Variants in GPC5 observed in about 807,000 individuals in gnomAD.
The protein encoded by GPC5 is glypican-5.
Under a neutral mutation model 53.9 loss-of-function variants are expected in GPC5, and 47 were observed. That is an observed-to-expected ratio of 0.87 (90% confidence interval 0.69 to 1.11). The LOEUF is 1.11. Ranked by LOEUF, GPC5 falls within the 50% of genes most tolerant of loss-of-function variation. GPC5 has a pLI of 0.00. For missense variants in GPC5, 748 were observed against 713.1 expected (o/e 1.05, Z -0.56); for synonymous variants, 286 against 263.3 (o/e 1.09, Z -0.84).
intron 2 of GPC5, among the ~76,000 whole-genome samples, chr13:91,587,482 C>T (rs1186866550): frequency 6.6e-6 from 1 of 152,066 alleles, no homozygotes; most frequent in Non-Finnish European, 1.5e-5. Flanking sequence ...GGCTAGGGAA[C>T]TGTTTTTTCA....
intron 5 of GPC5, among the ~76,000 whole-genome samples, chr13:91,897,775 G>A (rs1327350175): frequency 6.6e-6 from 1 of 152,030 alleles, no homozygotes; most frequent in African/African-American, 2.4e-5. Context: ...AACACATCTC[G>A]TGACTGCTGT....
chr13:91,752,754 C>T (rs1341132925), intron 4 of GPC5, among the ~76,000 whole-genome samples: 1 of 152,156 alleles, frequency 6.6e-6, no homozygotes, highest in Non-Finnish European at 1.5e-5. Context: ...GTCACATGTC[C>T]AGTCCACTAA....
intron 7 of GPC5, among the ~76,000 whole-genome samples, chr13:92,808,276 T>G (rs994246825): frequency 6.6e-6 from 1 of 152,156 alleles, no homozygotes; most frequent in African/African-American, 2.4e-5. Flanking sequence ...TTTAAGAAAC[T>G]TAAACACACA....
intron 7 of GPC5, among the ~76,000 whole-genome samples, chr13:92,332,838 A>T (rs940047194): frequency 3.3e-5 from 5 of 152,296 alleles, no homozygotes; most frequent in African/African-American, 4.8e-5. Context: ...TTTTCCTAGA[A>T]CATTCATTAA....
intron 7 of GPC5, among the ~76,000 whole-genome samples, chr13:92,647,477 C>T (rs1203074823): frequency 6.6e-6 from 1 of 152,086 alleles, no homozygotes; most frequent in South Asian, 2.1e-4. Flanking sequence ...AAATACAGCA[C>T]CCTCAGTTGA....
intron 7 of GPC5, among the ~76,000 whole-genome samples, chr13:92,409,894 T>C (rs540190479): frequency 1.6e-4 from 24 of 152,320 alleles, no homozygotes; most frequent in African/African-American, 5.1e-4. Flanking sequence ...ACTGTCAAGA[T>C]ACGACTTTAA....
At chr13:91,935,082 G>A (rs965823126) in intron 6 of GPC5, among the ~76,000 whole-genome samples, 2 of 151,926 alleles carry the variant, frequency 1.3e-5, no homozygotes, top group African/African-American at 4.8e-5. Context: ...ATAGATATGG[G>A]AAGATGACTT....
chr13:92,609,686 A>G (rs1436394340), intron 7 of GPC5, among the ~76,000 whole-genome samples: 1 of 152,190 alleles, frequency 6.6e-6, no homozygotes. Flanking sequence ...TTTAAGTAAG[A>G]AAAACATAAG....
chr13:92,228,427 A>C (rs2042504858), intron 7 of GPC5, among the ~76,000 whole-genome samples: 1 of 152,260 alleles, frequency 6.6e-6, no homozygotes, highest in Non-Finnish European at 1.5e-5. Context: ...TTGAGGATAC[A>C]TTCAAGAGGT....
chr13:92,559,874 C>G (rs1050084371), intron 7 of GPC5, among the ~76,000 whole-genome samples: 2 of 151,212 alleles, frequency 1.3e-5, no homozygotes, highest in African/African-American at 4.9e-5. Context: ...CCTCATATGA[C>G]CACAGCTGAC....
intron 2 of GPC5, among the ~76,000 whole-genome samples, chr13:91,537,913 C>T (rs952809563): frequency 2.0e-5 from 3 of 152,196 alleles, no homozygotes; most frequent in Admixed American, 2.0e-4. Flanking sequence ...TATTTACACA[C>T]AAACTTCTAC....
At chr13:92,108,360 C>A (rs2041526562) in intron 6 of GPC5, among the ~76,000 whole-genome samples, 1 of 152,152 alleles carries the variant, frequency 6.6e-6, no homozygotes, top group South Asian at 2.1e-4. Context: ...GAAAACCATA[C>A]TTCAAGTAAT....
intron 7 of GPC5, among the ~76,000 whole-genome samples, chr13:92,546,195 G>A: frequency 6.6e-6 from 1 of 152,060 alleles, no homozygotes; most frequent in East Asian, 1.9e-4. Context: ...GAAATAAAGG[G>A]TATTCAATTT....
At chr13:91,591,244 C>T (rs980455491) in intron 2 of GPC5, among the ~76,000 whole-genome samples, 2 of 152,214 alleles carry the variant, frequency 1.3e-5, no homozygotes, top group African/African-American at 4.8e-5. Flanking sequence ...AAGTGCTACT[C>T]ACCTCCTCAG....
intron 6 of GPC5, among the ~76,000 whole-genome samples, chr13:91,955,813 C>T (rs1483602921): frequency 1.3e-5 from 2 of 152,216 alleles, no homozygotes; most frequent in African/African-American, 4.8e-5. Flanking sequence ...TGTATCCTGT[C>T]CTGTGGCTAA....
intron 7 of GPC5, among the ~76,000 whole-genome samples, chr13:92,192,870 T>C (rs149732017): frequency 2.0e-5 from 3 of 152,328 alleles, no homozygotes; most frequent in East Asian, 1.9e-4. Context: ...AAAAATTTAC[T>C]GAGAATTTAT....
intron 7 of GPC5, among the ~76,000 whole-genome samples, chr13:92,681,871 C>T (rs193243622): frequency 1.3e-5 from 2 of 152,276 alleles, no homozygotes; most frequent in African/African-American, 4.8e-5. Context: ...TTCACCTCCC[C>T]GTGAGTGACC....
chr13:91,843,135 C>T (rs1257423356), intron 5 of GPC5, among the ~76,000 whole-genome samples: 1 of 152,124 alleles, frequency 6.6e-6, no homozygotes, highest in Non-Finnish European at 1.5e-5. Flanking sequence ...TGCTGAGCAA[C>T]GATTTTGTCT....
chr13:92,838,224 C>T (rs1162742293), intron 7 of GPC5, among the ~76,000 whole-genome samples: 1 of 152,056 alleles, frequency 6.6e-6, no homozygotes, highest in African/African-American at 2.4e-5. Flanking sequence ...GTGGCTCACG[C>T]CTGTAATCTC....
Sources: gnomAD v4.1 joint callset for allele counts (sites outside exome capture counted in the v4.1 genomes callset) on GRCh38, gnomAD v4.1.1 for gene constraint, MANE v1.5 for transcripts, NCBI Gene and HGNC (gene_info 2026-07-23, HGNC 2026-07-21) for gene names.